Variants in CCDC91 observed in about 807,000 individuals in gnomAD.
CCDC91 encodes coiled-coil domain containing 91.
In CCDC91, 48 loss-of-function variants were observed where a neutral mutation model predicts 63.2. That is an observed-to-expected ratio of 0.76 (90% CI 0.60 to 0.97). The LOEUF (loss-of-function observed/expected upper bound fraction) is 0.97, where lower values mean the gene tolerates loss of function less well. CCDC91 is among the 50% of genes least tolerant of loss of function. The pLI is 0.00. For synonymous variants in CCDC91, 167 were observed against 165.8 expected (o/e 1.01, Z -0.06); for missense variants, 500 against 494.6 (o/e 1.01, Z -0.10).
intron 12 of CCDC91, among the ~76,000 whole-genome samples, chr12:28,536,796 C>T (rs2141718505): frequency 6.6e-6 from 1 of 152,238 alleles, no homozygotes; most frequent in African/African-American, 2.4e-5. Context: ...TGGTTCTACT[C>T]ATTCTTTTTT....
intron 7 of CCDC91, among the ~76,000 whole-genome samples, chr12:28,372,868 T>G (rs1276030731): frequency 2.6e-5 from 4 of 152,158 alleles, no homozygotes; most frequent in African/African-American, 9.7e-5. Context: ...AGTACTGTGT[T>G]GAACAGAGGT....
rs1412171478 is a variant in CCDC91 at position 28,257,192 on chromosome 12, T to C, written c.-14-10T>C. The C allele has an allele frequency of 6.3e-7, 1 of 1,594,230 alleles. No homozygotes were observed. The highest frequency in any genetic ancestry group is 8.6e-7 in the Non-Finnish European group (1 of 1,162,374). Reference sequence around the variant, plus strand: ...TGTGCGGGCTTGTTTCAATATCTTATATTTTTCAGGTGCCACTTGAAGAAT... The same window carrying C: ...TGTGCGGGCTTGTTTCAATATCTTACATTTTTCAGGTGCCACTTGAAGAAT... On this transcript the variant is annotated splice_polypyrimidine_tract_variant and intron_variant, in intron 1 of 12. Transcript: ENST00000536442.
At chr12:28,414,779 T>C (rs1243860149) in intron 8 of CCDC91, among the ~76,000 whole-genome samples, 1 of 152,150 alleles carries the variant, frequency 6.6e-6, no homozygotes, top group African/African-American at 2.4e-5. Flanking sequence ...AAAAATATTG[T>C]GGTCTTGGCA....
Position 28,484,054 on chromosome 12 carries a change from A to T in CCDC91, c.1104A>T (p.Glu368Asp). The T allele has an allele frequency of 6.2e-7, 1 of 1,606,290 alleles. No individual in the cohort carries two copies. The highest frequency in any genetic ancestry group is 8.5e-7 in the Non-Finnish European group (1 of 1,175,368). Residue 368 changes from glutamate (E) to aspartate (D), a missense_variant and splice_region_variant, in exon 12 of 13, where the codon GAA becomes GAT. Physicochemically the swap from Glu to Asp is conservative, Grantham distance 45. Transcript: ENST00000536442. ...GTTTTGCCTTCTCCCACAAACAGGA[A>T]ACTGTTAAGGCAGCAATAATAGAAG... ...AIQEQRKISQ[E>D]TVKAAIIEEQ...
At chr12:28,257,045 A>G in intron 1 of CCDC91, 157 bp from the exon 2 acceptor site, 1 of 496,294 alleles carries the variant, frequency 2.0e-6, no homozygotes, top group Middle Eastern at 4.7e-4. Flanking sequence ...TTTGCCAAAA[A>G]GTAAAAGCCA....
At chr12:28,342,880 T>G (rs1427602576) in intron 6 of CCDC91, among the ~76,000 whole-genome samples, 1 of 152,054 alleles carries the variant, frequency 6.6e-6, no homozygotes, top group Non-Finnish European at 1.5e-5. Context: ...TATTGGAGGT[T>G]TGAGTGTGAA....
At chr12:28,243,807 A>G (rs1168161629) in intron 1 of CCDC91, among the ~76,000 whole-genome samples, 1 of 152,218 alleles carries the variant, frequency 6.6e-6, no homozygotes, top group Non-Finnish European at 1.5e-5. Flanking sequence ...AACAAGCCCA[A>G]GTGATTTGCC....
At chr12:28,364,337 G>A (rs1212348280) in intron 7 of CCDC91, among the ~76,000 whole-genome samples, 4 of 152,082 alleles carry the variant, frequency 2.6e-5, no homozygotes, top group Non-Finnish European at 5.9e-5. Flanking sequence ...GCAGTGAGCC[G>A]AGATTGCGCC....
intron 7 of CCDC91, among the ~76,000 whole-genome samples, chr12:28,377,730 A>G (rs11832538): frequency 0.013 from 1,934 of 152,088 alleles, 13 homozygotes; most frequent in Middle Eastern, 0.017. Flanking sequence ...AAAACTTATC[A>G]TTATAAGTAC....
chr12:28,391,239 C>A, intron 7 of CCDC91, 65 bp from the exon 8 acceptor site: 1 of 884,638 alleles, frequency 1.1e-6, no homozygotes, highest in Non-Finnish European at 1.9e-6. Context: ...CAAAAATATT[C>A]TCGTGCCAAC....
intron 12 of CCDC91, among the ~76,000 whole-genome samples, chr12:28,502,305 C>T (rs1294247210): frequency 6.6e-6 from 1 of 151,842 alleles, no homozygotes; most frequent in Non-Finnish European, 1.5e-5. Context: ...AACAGAGAGC[C>T]AAATCATGAG....
At chr12:28,300,312 C>T (rs982335200) in intron 3 of CCDC91, among the ~76,000 whole-genome samples, 3 of 151,482 alleles carry the variant, frequency 2.0e-5, no homozygotes, top group African/African-American at 7.2e-5. Context: ...TGTTCTATCA[C>T]TATTTATTAA....
At chr12:28,397,997 A>G (rs563642865) in intron 8 of CCDC91, among the ~76,000 whole-genome samples, 8 of 152,266 alleles carry the variant, frequency 5.3e-5, no homozygotes, top group East Asian at 1.9e-4. Flanking sequence ...TATAAATTCC[A>G]TGAGAGCTAG....
intron 12 of CCDC91, among the ~76,000 whole-genome samples, chr12:28,536,539 T>G (rs1267044757): frequency 6.6e-6 from 1 of 152,216 alleles, no homozygotes; most frequent in African/African-American, 2.4e-5. Flanking sequence ...AAGCTTTGTT[T>G]TTTATTGGAT....
intron 12 of CCDC91, among the ~76,000 whole-genome samples, chr12:28,540,022 G>C (rs1285906954): frequency 6.6e-6 from 1 of 152,064 alleles, no homozygotes; most frequent in Non-Finnish European, 1.5e-5. Context: ...TTCCTAGTGG[G>C]AATCAGGCAG....
At chr12:28,528,101 T>G (rs1941429092) in intron 12 of CCDC91, among the ~76,000 whole-genome samples, 1 of 152,156 alleles carries the variant, frequency 6.6e-6, no homozygotes, top group Non-Finnish European at 1.5e-5. Flanking sequence ...CATGCCCTCT[T>G]CAGAGTTCTG....
At chr12:28,478,372 A>G (rs1294600837) in intron 11 of CCDC91, among the ~76,000 whole-genome samples, 1 of 152,102 alleles carries the variant, frequency 6.6e-6, no homozygotes, top group African/African-American at 2.4e-5. Context: ...AAGGATTCCC[A>G]GTTTAACAAG....
intron 6 of CCDC91, among the ~76,000 whole-genome samples, chr12:28,348,947 C>A (rs950101949): frequency 6.6e-6 from 1 of 152,160 alleles, no homozygotes; most frequent in African/African-American, 2.4e-5. Flanking sequence ...TGGTCTCAAA[C>A]TCCTGACCTC....
intron 11 of CCDC91, among the ~76,000 whole-genome samples, chr12:28,475,560 C>A (rs1312405787): frequency 6.6e-6 from 1 of 152,040 alleles, no homozygotes; most frequent in Non-Finnish European, 1.5e-5. Flanking sequence ...CAATACAGAA[C>A]AACTTTAAAA....
Sources: gnomAD v4.1 joint callset for allele counts (sites outside exome capture counted in the v4.1 genomes callset) on GRCh38, gnomAD v4.1.1 for gene constraint, MANE v1.5 for transcripts, NCBI Gene and HGNC (gene_info 2026-07-23, HGNC 2026-07-21) for gene names.